CEP112: variants seen among roughly 807,000 people sequenced by gnomAD.
CEP112 encodes the protein centrosomal protein 112.
Under a neutral mutation model 153.0 loss-of-function variants are expected in CEP112, and 127 were observed. The observed-to-expected ratio is 0.83, with a 90% CI of 0.72 to 0.96. The LOEUF (loss-of-function observed/expected upper bound fraction) is 0.96, where lower values mean the gene tolerates loss of function less well. CEP112 is among the 40% of genes least tolerant of loss of function. CEP112 has a pLI of 0.00. For synonymous variants in CEP112, 358 were observed against 374.4 expected, an observed-to-expected ratio of 0.96 and a Z score of 0.51; for missense variants, 1,089 against 1,101.2, an observed-to-expected ratio of 0.99 and a Z score of 0.16.
intron 16 of CEP112, among the ~76,000 whole-genome samples, chr17:66,006,053 A>T (rs989999737): frequency 1.3e-5 from 2 of 152,198 alleles, no homozygotes; most frequent in African/African-American, 4.8e-5. Context: ...CAGATTTTTT[A>T]AATTATATTT....
chr17:65,717,924 A>T (rs1482318725), intron 23 of CEP112, among the ~76,000 whole-genome samples: 1 of 152,114 alleles, frequency 6.6e-6, no homozygotes, highest in Non-Finnish European at 1.5e-5. Flanking sequence ...CACTCATTAA[A>T]AACCAAATGG....
At chr17:65,649,075 CA>C (rs2045599991) in intron 24 of CEP112, among the ~76,000 whole-genome samples, 1 of 94,406 alleles carries the variant, frequency 1.1e-5, no homozygotes, top group Admixed American at 1.0e-4. Flanking sequence ...AACAAACAAA[CA>C]CACACACACA....
At chr17:66,120,171 A>G (rs2146446830) in intron 6 of CEP112, among the ~76,000 whole-genome samples, 1 of 152,192 alleles carries the variant, frequency 6.6e-6, no homozygotes, top group South Asian at 2.1e-4. Flanking sequence ...CAGTGAAACC[A>G]TGCAGGCCTG....
chr17:66,099,853 T>TCCCCA (rs2068495441), intron 6 of CEP112, among the ~76,000 whole-genome samples: 1 of 152,080 alleles, frequency 6.6e-6, no homozygotes, highest in Non-Finnish European at 1.5e-5. Context: ...TTCCCATATC[T>TCCCCA]CCCCACTCTC....
chr17:65,780,140 T>A (rs528539969), intron 21 of CEP112, among the ~76,000 whole-genome samples: 1 of 152,258 alleles, frequency 6.6e-6, no homozygotes, highest in South Asian at 2.1e-4. Flanking sequence ...AGGAATAGCA[T>A]GGGACAGTTG....
chr17:66,058,686 CA>C (rs375427393), intron 11 of CEP112, among the ~76,000 whole-genome samples: 11 of 151,478 alleles, frequency 7.3e-5, no homozygotes, highest in South Asian at 6.3e-4. Context: ...CCCACCTCTA[CA>C]AAAAAAAGTT....
intron 17 of CEP112, among the ~76,000 whole-genome samples, chr17:65,999,194 ATTCT>A (rs1397406886): frequency 7.1e-6 from 1 of 141,822 alleles, no homozygotes; most frequent in Non-Finnish European, 1.5e-5. Context: ...AAATTACTAA[ATTCT>A]TTTTTTTTTT....
intron 8 of CEP112, among the ~76,000 whole-genome samples, chr17:66,085,829 T>C (rs1352166936): frequency 6.6e-6 from 1 of 151,794 alleles, no homozygotes; most frequent in Non-Finnish European, 1.5e-5. Flanking sequence ...ATACAAAAAA[T>C]AGCCGGGCAT....
chr17:65,832,568 T>C lies in CEP112; in HGVS notation c.2394+19236A>G, dbSNP rs560045043. 1.5e-3 allele frequency among the ~76,000 whole-genome samples: 235 copies of C among 152,096 alleles called. 8 individuals are homozygous for C. The South Asian group carries it at 0.046, about 30-fold the overall frequency. ...TAAAAATAACCATCAGAAACTCCTA[T>C]GAACACCCCTATGCATACAAACTAG... is the stretch of plus-strand genomic sequence containing the variant. On this transcript the variant is annotated intron_variant, in intron 21 of 26. Coordinates refer to ENST00000535342, the MANE Select transcript of CEP112 (RefSeq NM_001199165.4).
intron 20 of CEP112, among the ~76,000 whole-genome samples, chr17:65,880,416 T>A (rs1176352246): frequency 6.6e-6 from 1 of 152,154 alleles, no homozygotes; most frequent in African/African-American, 2.4e-5. Flanking sequence ...AAAAACAGGT[T>A]AAAAACCAAC....
At chr17:65,771,432 C>T (rs528911365) in intron 21 of CEP112, among the ~76,000 whole-genome samples, 1 of 152,120 alleles carries the variant, frequency 6.6e-6, no homozygotes, top group Admixed American at 6.5e-5. Context: ...GGCAAATTCA[C>T]AAATGACAAC....
rs563354505 is a variant in CEP112, at chr17:65,695,005, T to C, written c.2608-5787A>G. On this transcript the variant is annotated intron_variant, in intron 23 of 26. Coordinates refer to ENST00000535342, the MANE Select transcript of CEP112 (RefSeq NM_001199165.4). ...CCTCTCCTAGCTCTGCAGTGTTAAC[T>C]GGCATCATTACTGAAAAGACAGTTC... 2.1e-4 allele frequency among the ~76,000 whole-genome samples: 32 copies of C among 152,368 alleles called. No individual in the cohort carries two copies. In the South Asian group the frequency reaches 6.2e-3, roughly 30 times the overall value.
intron 21 of CEP112, among the ~76,000 whole-genome samples, chr17:65,770,122 A>G (rs2053251152): frequency 6.6e-6 from 1 of 152,036 alleles, no homozygotes; most frequent in Non-Finnish European, 1.5e-5. Flanking sequence ...AAAACCTCTA[A>G]GACCACAAGT....
chr17:65,921,420 A>G (rs1045134814), intron 19 of CEP112, among the ~76,000 whole-genome samples: 4 of 151,848 alleles, frequency 2.6e-5, no homozygotes, highest in Admixed American at 2.6e-4. Context: ...GTTACAGTTA[A>G]CAGAATATTC....
Position 65,950,374 on chromosome 17 carries a change from T to C in CEP112, c.1872+11089A>G, listed in dbSNP as rs2061783294. On this transcript the variant is annotated intron_variant, in intron 18 of 26. Transcript: ENST00000535342. ...TTCTAATCCATAAACAAAGAATAGC[T>C]CTCCACTTACTTAGATCTTTTTAAC... Among the ~76,000 whole-genome samples the C allele has an allele frequency of 1.3e-5, 2 of 152,172 alleles. 1 individual carries two copies. Among genetic ancestry groups the C allele is most frequent in the South Asian group, 4.1e-4 (2 of 4,834 alleles).
intron 24 of CEP112, chr17:65,654,840 A>T (rs1268681273): frequency 2.4e-6 from 1 of 419,120 alleles, no homozygotes; most frequent in Non-Finnish European, 4.5e-6. Context: ...TTTGTTCATG[A>T]ATCAAAGACT....
At chr17:65,905,407 T>C (rs933809841) in intron 19 of CEP112, among the ~76,000 whole-genome samples, 4 of 152,114 alleles carry the variant, frequency 2.6e-5, no homozygotes, top group African/African-American at 9.7e-5. Flanking sequence ...TGAGATAACA[T>C]CTCATGCCAG....
chr17:65,919,875 G>A (rs2060637801), intron 19 of CEP112, among the ~76,000 whole-genome samples: 1 of 152,026 alleles, frequency 6.6e-6, no homozygotes, highest in Non-Finnish European at 1.5e-5. Context: ...TTCAATTTCT[G>A]CCCCCTGGAA....
chr17:65,983,033 G>C (rs548161984), intron 17 of CEP112, among the ~76,000 whole-genome samples: 2 of 152,292 alleles, frequency 1.3e-5, no homozygotes, highest in East Asian at 3.9e-4. Flanking sequence ...GAGACAGAAA[G>C]CAGAATGGTG....
Sources: gnomAD v4.1 joint callset for allele counts (sites outside exome capture counted in the v4.1 genomes callset) on GRCh38, gnomAD v4.1.1 for gene constraint, MANE v1.5 for transcripts, NCBI Gene and HGNC (gene_info 2026-07-23, HGNC 2026-07-21) for gene names.